NPAS3: variants seen among roughly 807,000 people sequenced by gnomAD.
NPAS3 encodes neuronal PAS domain-containing protein 3.
In NPAS3, 14 loss-of-function variants were observed where a neutral mutation model predicts 73.1. The observed-to-expected ratio is 0.19, with a 90% CI of 0.13 to 0.30. NPAS3 has a LOEUF of 0.30. Among genes scored for constraint, NPAS3 ranks in the 10% least tolerant of loss-of-function variants. NPAS3 has a pLI of 1.00. For synonymous variants in NPAS3, 620 were observed against 541.5 expected (o/e 1.14, Z -2.01); for missense variants, 1,096 against 1,250.0 (o/e 0.88, Z 1.86).
chr14:33,651,544 A>AT (rs1471055790), intron 5 of NPAS3, among the ~76,000 whole-genome samples: 2 of 151,886 alleles, frequency 1.3e-5, no homozygotes, highest in African/African-American at 4.9e-5. Context: ...CAAATTATAT[A>AT]TTAAAAAAAC....
chr14:33,356,566 C>A (rs1235208571), intron 3 of NPAS3, among the ~76,000 whole-genome samples: 1 of 152,186 alleles, frequency 6.6e-6, no homozygotes, highest in African/African-American at 2.4e-5. Flanking sequence ...TGCATTCATT[C>A]ATTTGAGTAT....
At chr14:33,643,790 A>G (rs2058746320) in intron 5 of NPAS3, among the ~76,000 whole-genome samples, 1 of 152,172 alleles carries the variant, frequency 6.6e-6, no homozygotes, top group African/African-American at 2.4e-5. Flanking sequence ...TAATTGTTAA[A>G]GTTTTCTCTC....
chr14:33,202,008 T>G (rs985417915), intron 2 of NPAS3, among the ~76,000 whole-genome samples: 1 of 152,236 alleles, frequency 6.6e-6, no homozygotes, highest in East Asian at 1.9e-4. Flanking sequence ...AATCTTTTGT[T>G]TTTCCATGAG....
intron 9 of NPAS3, among the ~76,000 whole-genome samples, chr14:33,782,817 T>G (rs2063018481): frequency 7.5e-6 from 1 of 133,590 alleles, no homozygotes; most frequent in Non-Finnish European, 1.6e-5. Flanking sequence ...GGGGGTTGTT[T>G]TTTTTTAAAA....
chr14:32,977,614 C>T lies in NPAS3; in HGVS notation c.50+38248C>T, dbSNP rs923664035. 3.9e-5 allele frequency among the ~76,000 whole-genome samples: 6 copies of T among 152,108 alleles called. No homozygotes were observed. The South Asian group carries it at 8.3e-4, about 21-fold the overall frequency. On this transcript the variant is annotated intron_variant, in intron 1 of 11. Coordinates refer to ENST00000356141, the Ensembl canonical transcript of NPAS3. ...GGGCATGGTGGTGTGCATCTATAGT[C>T]CCAGCTGTTCAGGAGGTGGAGGCGG...
chr14:32,990,410 G>T (rs1476605994), intron 1 of NPAS3, among the ~76,000 whole-genome samples: 1 of 152,110 alleles, frequency 6.6e-6, no homozygotes, highest in Non-Finnish European at 1.5e-5. Context: ...AACTCTTTTT[G>T]TGGCTTTAAA....
At chr14:33,017,958 G>A (rs1319222630) in intron 1 of NPAS3, among the ~76,000 whole-genome samples, 1 of 152,060 alleles carries the variant, frequency 6.6e-6, no homozygotes, top group Non-Finnish European at 1.5e-5. Flanking sequence ...TGATCTAAAT[G>A]TTTTAGTTGA....
intron 3 of NPAS3, among the ~76,000 whole-genome samples, chr14:33,235,984 G>T (rs559357463): frequency 6.6e-6 from 1 of 151,580 alleles, no homozygotes; most frequent in South Asian, 2.1e-4. Flanking sequence ...TAGACACGGG[G>T]TCTCACAATG....
chr14:33,614,849 C>T (rs1173045299), intron 5 of NPAS3, among the ~76,000 whole-genome samples: 1 of 152,084 alleles, frequency 6.6e-6, no homozygotes, highest in Non-Finnish European at 1.5e-5. Flanking sequence ...AAAAGTTATA[C>T]CCAAATTCCT....
chr14:33,289,368 G>C (rs765212067), intron 3 of NPAS3, among the ~76,000 whole-genome samples: 39 of 152,054 alleles, frequency 2.6e-4, no homozygotes, highest in Non-Finnish European at 4.7e-4. Context: ...TATAAAATTT[G>C]TTATCTTCTC....
At chr14:33,544,788 T>TTATATATATATATATAGATA (rs2054708988) in intron 4 of NPAS3, among the ~76,000 whole-genome samples, 1 of 63,256 alleles carries the variant, frequency 1.6e-5, no homozygotes, top group African/African-American at 8.6e-5. Flanking sequence ...TGTGTGTGTA[T>TTATATATATATATATAGATA]TATATATATA....
At chr14:33,260,166 G>A (rs575823901) in intron 3 of NPAS3, among the ~76,000 whole-genome samples, 1 of 152,194 alleles carries the variant, frequency 6.6e-6, no homozygotes, top group East Asian at 1.9e-4. Context: ...TTCTCCCAAA[G>A]GAGTAACGTT....
At chr14:33,203,410 G>A (rs1319410643) in intron 2 of NPAS3, among the ~76,000 whole-genome samples, 1 of 152,008 alleles carries the variant, frequency 6.6e-6, no homozygotes, top group Admixed American at 6.6e-5. Flanking sequence ...GTATACATGT[G>A]CCATGTATAC....
chr14:33,671,025 C>CCTAAGACTGAAATATTCTAAAA (rs1595402874), intron 5 of NPAS3, among the ~76,000 whole-genome samples: 1 of 152,140 alleles, frequency 6.6e-6, no homozygotes, highest in East Asian at 1.9e-4. Flanking sequence ...TTATATTGTT[C>CCTAAGACTGAAATATTCTAAAA]CTAAGACTGA....
At position 33,524,622 on chromosome 14, in the gene NPAS3, G is replaced by A. The variant is rs2053710983; in HGVS notation, c.469-35499G>A. On this transcript the variant is annotated intron_variant, in intron 4 of 11. Transcript: ENST00000356141. ...ATGAAATCTGTATTAGTCTGCCAGGGCTGCCATGACAAAGTATCACAAACT... is the reference window on the plus strand; with the variant it reads ...ATGAAATCTGTATTAGTCTGCCAGGACTGCCATGACAAAGTATCACAAACT... Among the ~76,000 whole-genome samples the A allele has an allele frequency of 2.6e-5, 4 of 152,254 alleles. No individual in the cohort carries two copies. The South Asian group carries it at 8.3e-4, about 32-fold the overall frequency.
intron 5 of NPAS3, among the ~76,000 whole-genome samples, chr14:33,572,963 C>T (rs2056282181): frequency 1.4e-5 from 2 of 138,094 alleles, no homozygotes; most frequent in African/African-American, 5.6e-5. Flanking sequence ...GCGGAGGTTG[C>T]AGTGAGCCGA....
chr14:33,152,530 G>A (rs573431560), intron 2 of NPAS3, among the ~76,000 whole-genome samples: 11 of 152,152 alleles, frequency 7.2e-5, no homozygotes, highest in South Asian at 2.1e-4. Context: ...CTGGTAGTTT[G>A]CTGGGAAAGG....
chr14:33,702,608 T>TAACA (rs1005373679), intron 6 of NPAS3, among the ~76,000 whole-genome samples: 1 of 152,186 alleles, frequency 6.6e-6, no homozygotes, highest in Admixed American at 6.5e-5. Flanking sequence ...AGAAGAACAC[T>TAACA]AACATTCAAT....
At chr14:33,677,967 T>C (rs894628913) in intron 6 of NPAS3, among the ~76,000 whole-genome samples, 3 of 152,208 alleles carry the variant, frequency 2.0e-5, no homozygotes, top group Non-Finnish European at 4.4e-5. Flanking sequence ...GGTTTTCTAC[T>C]CTTTCATCCT....
Sources: gnomAD v4.1 joint callset for allele counts (sites outside exome capture counted in the v4.1 genomes callset) on GRCh38, gnomAD v4.1.1 for gene constraint, MANE v1.5 for transcripts, NCBI Gene and HGNC (gene_info 2026-07-23, HGNC 2026-07-21) for gene names.